Variants in WDR27 observed in about 807,000 individuals in gnomAD.
WDR27 encodes the protein WD repeat domain 27.
Under a neutral mutation model 114.4 loss-of-function variants are expected in WDR27, and 100 were observed. That is an observed-to-expected ratio of 0.87 (90% CI 0.74 to 1.03). WDR27 has a LOEUF of 1.03. WDR27 is among the 50% of genes least tolerant of loss of function. WDR27 has a pLI of 0.00. For synonymous variants in WDR27, 449 were observed against 423.1 expected (o/e 1.06, Z -0.75); for missense variants, 1,129 against 1,092.9 (o/e 1.03, Z -0.47).
chr6:169,579,770 C>T (rs957863333), intron 24 of WDR27, among the ~76,000 whole-genome samples: 4 of 152,160 alleles, frequency 2.6e-5, no homozygotes, highest in Non-Finnish European at 4.4e-5. Context: ...GCAACCAATG[C>T]GTGCTGTTCG....
intron 23 of WDR27, among the ~76,000 whole-genome samples, chr6:169,588,532 C>T (rs926307975): frequency 1.9e-4 from 29 of 152,138 alleles, no homozygotes; most frequent in African/African-American, 6.7e-4. Context: ...ATAAGTGGAC[C>T]CGTGCATTTC....
chr6:169,643,868 G>A (rs1011376341), intron 16 of WDR27, 82 bp from the exon 17 acceptor site: 1 of 1,070,946 alleles, frequency 9.3e-7, no homozygotes, highest in African/African-American at 1.6e-5. Context: ...TAGTTCACAG[G>A]AGTCACACTG....
At chr6:169,630,724 T>C (rs1287832279) in intron 21 of WDR27, among the ~76,000 whole-genome samples, 1 of 151,960 alleles carries the variant, frequency 6.6e-6, no homozygotes, top group East Asian at 1.9e-4. Context: ...TGAAACTCCA[T>C]CTCTACTAAA....
chr6:169,592,777 T>C (rs1805998607), intron 23 of WDR27, among the ~76,000 whole-genome samples: 1 of 152,202 alleles, frequency 6.6e-6, no homozygotes, highest in African/African-American at 2.4e-5. Flanking sequence ...GCCTCTAAAG[T>C]TTTCTCAGTA....
intron 16 of WDR27, among the ~76,000 whole-genome samples, chr6:169,645,755 G>GA (rs1360312859): frequency 7.0e-6 from 1 of 142,124 alleles, no homozygotes; most frequent in East Asian, 2.2e-4. Flanking sequence ...TAGTTCACAG[G>GA]GTCACACTGT....
chr6:169,637,789 A>G (rs1818015197), intron 18 of WDR27, among the ~76,000 whole-genome samples: 1 of 147,500 alleles, frequency 6.8e-6, no homozygotes, highest in Non-Finnish European at 1.5e-5. Flanking sequence ...GCGTGTGCCT[A>G]CTGCGTGTGT....
intron 25 of WDR27, among the ~76,000 whole-genome samples, chr6:169,495,758 TAAG>T (rs1790321062): frequency 6.6e-6 from 1 of 152,010 alleles, no homozygotes; most frequent in Admixed American, 6.5e-5. Flanking sequence ...TTATCAGTAG[TAAG>T]AATAATGAAT....
chr6:169,576,276 G>A (rs1802320875), intron 24 of WDR27, among the ~76,000 whole-genome samples: 1 of 152,238 alleles, frequency 6.6e-6, no homozygotes, highest in South Asian at 2.1e-4. Flanking sequence ...GTATGGGATG[G>A]TGGCCAGCCT....
At position 169,639,950 on chromosome 6, in the gene WDR27, T is replaced by C. The variant is rs976112133; in HGVS notation, c.1748-1290A>G. Among the ~76,000 whole-genome samples, 6 of 152,202 alleles carry C rather than the reference T, an allele frequency of 3.9e-5. No individual in the cohort carries two copies. In the East Asian group the frequency reaches 9.7e-4, roughly 25 times the overall value. ...TCGGCCCTGGAGCCAAAGCCAGCTG[T>C]GTGGCATGGTGAGGAGGGCGAGAGG... On this transcript the variant is annotated intron_variant, in intron 17 of 25. Coordinates refer to ENST00000448612, the MANE Select transcript of WDR27 (RefSeq NM_182552.5).
intron 1 of WDR27, among the ~76,000 whole-genome samples, chr6:169,698,091 A>G (rs1046686511): frequency 6.6e-6 from 1 of 152,180 alleles, no homozygotes; most frequent in Non-Finnish European, 1.5e-5. Context: ...CAAGGAGGGA[A>G]GGAAGCCTTG....
chr6:169,665,449 G>T (rs375952164), intron 7 of WDR27, 37 bp downstream of exon 7: 1 of 1,599,292 alleles, frequency 6.3e-7, no homozygotes, highest in South Asian at 1.1e-5. Context: ...GTTCAGGCAT[G>T]TCTGGGAACT....
intron 2 of WDR27, among the ~76,000 whole-genome samples, chr6:169,683,798 T>C (rs892935385): frequency 2.7e-4 from 41 of 152,184 alleles, no homozygotes; most frequent in African/African-American, 9.4e-4. Flanking sequence ...CTGAAGTCTT[T>C]ACAACAGGAG....
intron 2 of WDR27, among the ~76,000 whole-genome samples, chr6:169,683,725 T>A (rs937535041): frequency 6.6e-6 from 1 of 152,144 alleles, no homozygotes; most frequent in Non-Finnish European, 1.5e-5. Flanking sequence ...CAGATGGGAC[T>A]TCCCCCTGCA....
At chr6:169,553,999 C>A (rs1040738099) in intron 25 of WDR27, among the ~76,000 whole-genome samples, 3 of 152,130 alleles carry the variant, frequency 2.0e-5, no homozygotes, top group African/African-American at 7.2e-5. Context: ...TGAAATTATT[C>A]TTTGTAATCT....
At position 169,647,823 on chromosome 6, in the gene WDR27, T is replaced by C; in HGVS notation, c.1607A>G (p.Gln536Arg). ...TGTGCAGGTGGGGGCGGCAGCGACC[T>C]GGGGGCCGGGCTTGGTGGGCACAGC... is the stretch of plus-strand genomic sequence containing the variant. ...ECAVPTKPGP[Q>R]VAAAPTCTRV... Residue 536 changes from glutamine to arginine, a missense_variant, in exon 16 of 26, where the codon CAG becomes CGG. Gln to Arg is a conservative substitution (Grantham distance 43, BLOSUM62 1). Transcript: ENST00000448612. The C allele has an allele frequency of 1.3e-6, 2 of 1,584,422 alleles. No individual in the cohort carries two copies. The highest frequency in any genetic ancestry group is 1.7e-6 in the Non-Finnish European group (2 of 1,166,386).
chr6:169,595,101 G>A (rs1245491830), intron 23 of WDR27, among the ~76,000 whole-genome samples: 1 of 152,220 alleles, frequency 6.6e-6, no homozygotes, highest in African/African-American at 2.4e-5. Flanking sequence ...AGAAGTTCAA[G>A]CTCATAGTAA....
At chr6:169,615,193 T>G (rs928551627) in intron 21 of WDR27, among the ~76,000 whole-genome samples, 13 of 152,264 alleles carry the variant, frequency 8.5e-5, no homozygotes, top group Admixed American at 6.5e-5. Context: ...GAGATAATAT[T>G]AGGCTGGATT....
intron 23 of WDR27, among the ~76,000 whole-genome samples, chr6:169,591,559 A>C (rs1033849311): frequency 2.0e-5 from 3 of 152,148 alleles, no homozygotes; most frequent in Non-Finnish European, 4.4e-5. Flanking sequence ...TGCCCTAGTT[A>C]CCTCCAAATG....
rs751866635 is a variant in WDR27, at chr6:169,658,267, T to C, written c.1402+9A>G. 19 of 1,592,674 alleles carry C rather than the reference T, an allele frequency of 1.2e-5. No individual in the cohort carries two copies. Among genetic ancestry groups the C allele is most frequent in the Non-Finnish European group, 1.6e-5 (19 of 1,169,160 alleles). On this transcript the variant is annotated intron_variant, in intron 13 of 25. Coordinates refer to ENST00000448612, the MANE Select transcript of WDR27 (RefSeq NM_182552.5). ...TGTATTCTTAGATCTCACAGCACCCTGTACTGACCACGTCGCTGTTCACTA... is the reference window on the plus strand; with the variant it reads ...TGTATTCTTAGATCTCACAGCACCCCGTACTGACCACGTCGCTGTTCACTA...
Sources: allele counts gnomAD v4.1 joint callset (sites outside exome capture counted in the v4.1 genomes callset), GRCh38; gene constraint gnomAD v4.1.1; transcripts MANE v1.5; gene names NCBI Gene and HGNC (gene_info 2026-07-23, HGNC 2026-07-21).